ARHGEF10: variants seen among roughly 807,000 people sequenced by gnomAD.
ARHGEF10 encodes Rho guanine nucleotide exchange factor (GEF) 10.
In ARHGEF10, 140 loss-of-function variants were observed where a neutral mutation model predicts 147.4. The observed-to-expected ratio is 0.95, with a 90% confidence interval of 0.83 to 1.09. The LOEUF is 1.09. ARHGEF10 is among the 50% of genes least tolerant of loss of function. The pLI is 0.00. For missense variants in ARHGEF10, 2,222 were observed against 1,752.7 expected (o/e 1.27, Z -4.78); for synonymous variants, 902 against 695.8 (o/e 1.30, Z -4.67).
In ARHGEF10 at chr8:1,908,588, A is replaced by G. The variant is rs577378040; in HGVS notation, c.1968-707A>G. Among the ~76,000 whole-genome samples, 4 of 152,296 alleles carry G rather than the reference A, an allele frequency of 2.6e-5. No homozygotes were observed. The South Asian group carries it at 8.3e-4, about 32-fold the overall frequency. ...AGAAAAGCAAAACGTGATGATCACT[A>G]AGTGAGAATAATGGTTGATTCTGGA... On this transcript the variant is annotated intron_variant, in intron 17 of 28. Transcript: ENST00000349830.
chr8:1,850,152 G>A (rs1481460466), intron 2 of ARHGEF10, among the ~76,000 whole-genome samples: 2,079 of 39,654 alleles, frequency 0.052, 310 homozygotes, highest in African/African-American at 0.13. Flanking sequence ...GGTGTGGGGC[G>A]GCCACGTGGA....
At position 1,926,359 on chromosome 8, in the gene ARHGEF10, G is replaced by T. The variant is rs1291737410; in HGVS notation, c.2611-18G>T. 6.8e-6 allele frequency: 11 copies of T among 1,606,248 alleles called. No homozygotes were observed. Among genetic ancestry groups the T allele is most frequent in the Non-Finnish European group, 9.4e-6 (11 of 1,172,830 alleles). On this transcript the variant is annotated intron_variant, in intron 22 of 28. Transcript: ENST00000349830. Reference sequence around the variant, plus strand: ...AGCTCTGTTTTATATGTGAGCGTTTGATTTTATTCCATTTTAGATTGAATG... The same window carrying T: ...AGCTCTGTTTTATATGTGAGCGTTTTATTTTATTCCATTTTAGATTGAATG...
At chr8:1,951,382 A>T (rs1325651444) in intron 27 of ARHGEF10, among the ~76,000 whole-genome samples, 4 of 152,256 alleles carry the variant, frequency 2.6e-5, no homozygotes, top group Non-Finnish European at 4.4e-5. Context: ...CGCCCTGACC[A>T]AGTCACGCCG....
intron 2 of ARHGEF10, among the ~76,000 whole-genome samples, chr8:1,855,639 C>T (rs1430668566): frequency 6.6e-6 from 1 of 151,828 alleles, no homozygotes; most frequent in Non-Finnish European, 1.5e-5. Context: ...ATTAGTCCTC[C>T]TTGGCCTTTG....
intron 2 of ARHGEF10, among the ~76,000 whole-genome samples, chr8:1,846,010 G>C (rs900931852): frequency 6.6e-6 from 1 of 152,248 alleles, no homozygotes; most frequent in Non-Finnish European, 1.5e-5. Context: ...GGACTGGCCA[G>C]GCCGTCCTTG....
intron 27 of ARHGEF10, 44 bp downstream of exon 27, chr8:1,945,699 G>T (rs758912368): frequency 1.2e-6 from 2 of 1,612,074 alleles, no homozygotes; most frequent in African/African-American, 2.7e-5. Flanking sequence ...AGCAACCGGG[G>T]ACGGACGTGG....
At chr8:1,880,250 C>G in intron 9 of ARHGEF10, 86 bp downstream of exon 9, 3 of 927,172 alleles carry the variant, frequency 3.2e-6, no homozygotes, top group Non-Finnish European at 5.3e-6. Flanking sequence ...CTTGCTGTCT[C>G]AACAGCGGTT....
At chr8:1,913,713 G>C (rs79185385) in intron 18 of ARHGEF10, among the ~76,000 whole-genome samples, 2 of 152,200 alleles carry the variant, frequency 1.3e-5, no homozygotes, top group Admixed American at 1.3e-4. Context: ...TGCAGCAAGA[G>C]GGGAAGTCCA....
chr8:1,909,895 G>A (rs941152201), intron 18 of ARHGEF10, among the ~76,000 whole-genome samples: 11 of 152,152 alleles, frequency 7.2e-5, no homozygotes, highest in African/African-American at 2.7e-4. Context: ...CACACTGCTG[G>A]GCAGCGTTGT....
Position 1,878,395 on chromosome 8 carries a change from C to A in ARHGEF10, c.844-1653C>A, listed in dbSNP as rs181427770. On this transcript the variant is annotated intron_variant, in intron 8 of 28. Transcript: ENST00000349830. ...AGAGACGGGGTTTCACCATATTGGCCAGGCTGGTCTCGAACTCCTGACCTC... is the reference window on the plus strand; with the variant it reads ...AGAGACGGGGTTTCACCATATTGGCAAGGCTGGTCTCGAACTCCTGACCTC... Among the ~76,000 whole-genome samples, 4 of 152,240 alleles carry A rather than the reference C, an allele frequency of 2.6e-5. No homozygotes were observed. The East Asian group carries it at 7.7e-4, about 29-fold the overall frequency.
At chr8:1,862,710 C>G (rs570464724) in intron 4 of ARHGEF10, among the ~76,000 whole-genome samples, 2 of 152,180 alleles carry the variant, frequency 1.3e-5, no homozygotes, top group Admixed American at 6.5e-5. Flanking sequence ...TGCCTTTGTC[C>G]CTCTGCAAAA....
chr8:1,936,245 C>A (rs917557852), intron 26 of ARHGEF10, among the ~76,000 whole-genome samples: 3 of 152,154 alleles, frequency 2.0e-5, no homozygotes, highest in Non-Finnish European at 4.4e-5. Context: ...CCGGGCACAG[C>A]GGCTCACACC....
intron 18 of ARHGEF10, among the ~76,000 whole-genome samples, chr8:1,913,425 G>A (rs752094423): frequency 6.6e-6 from 1 of 152,180 alleles, no homozygotes; most frequent in African/African-American, 2.4e-5. Flanking sequence ...CTTCAGATGT[G>A]CAAATATTCA....
chr8:1,864,778 C>T (rs901483703), intron 5 of ARHGEF10, among the ~76,000 whole-genome samples: 3 of 152,340 alleles, frequency 2.0e-5, no homozygotes, highest in East Asian at 1.9e-4. Context: ...CCCGTGAAAC[C>T]GCCTGCAGGC....
Position 1,937,701 on chromosome 8 carries a change from C to T in ARHGEF10, c.3222+3759C>T, listed in dbSNP as rs1294303487. Among the ~76,000 whole-genome samples the T allele has an allele frequency of 2.0e-5, 3 of 152,252 alleles. No homozygotes were observed. The South Asian group carries it at 6.2e-4, about 31-fold the overall frequency. On this transcript the variant is annotated intron_variant, in intron 26 of 28. Coordinates refer to ENST00000349830, the MANE Select transcript of ARHGEF10 (RefSeq NM_014629.4). This position sits in a 1 kb window ranked among gnomAD's most constrained non-coding sequence, Gnocchi z 4.9. ...CCACAGGACCTGAGCCCACAAGATT[C>T]GAGCCCTGGGTATGTGTCCGCCTTG...
chr8:1,901,803 C>T (rs1448277481), intron 15 of ARHGEF10, among the ~76,000 whole-genome samples: 1 of 152,044 alleles, frequency 6.6e-6, no homozygotes, highest in African/African-American at 2.4e-5. Context: ...TTCGTTGTGA[C>T]TCATAGGAAA....
intron 1 of ARHGEF10, among the ~76,000 whole-genome samples, chr8:1,829,959 G>C (rs1480733806): frequency 6.6e-6 from 1 of 152,192 alleles, no homozygotes; most frequent in Non-Finnish European, 1.5e-5. Flanking sequence ...AATATCTGGG[G>C]AGCGAGTCAT....
intron 23 of ARHGEF10, 68 bp downstream of exon 23, chr8:1,926,531 G>T: frequency 6.9e-7 from 1 of 1,443,170 alleles, no homozygotes; most frequent in Non-Finnish European, 9.7e-7. Flanking sequence ...GGTGTGATGA[G>T]AGACTGAGAT....
intron 11 of ARHGEF10, among the ~76,000 whole-genome samples, chr8:1,892,798 T>G (rs1322815042): frequency 6.6e-6 from 1 of 152,172 alleles, no homozygotes; most frequent in Non-Finnish European, 1.5e-5. Flanking sequence ...TTGCCCTGTT[T>G]TGCTCTGTTT....
Sources: gnomAD v4.1 joint callset for allele counts (sites outside exome capture counted in the v4.1 genomes callset) on GRCh38, gnomAD v4.1.1 for gene constraint, Gnocchi (gnomAD v3.1) non-coding constraint, MANE v1.5 for transcripts, NCBI Gene and HGNC (gene_info 2026-07-23, HGNC 2026-07-21) for gene names.